TRIM9: variants seen among roughly 807,000 people sequenced by gnomAD.
The protein encoded by TRIM9 is E3 ubiquitin-protein ligase TRIM9.
A neutral mutation model predicts 78.3 loss-of-function variants in TRIM9; 26 were observed. That is an observed-to-expected ratio of 0.33 (90% CI 0.24 to 0.46). The LOEUF (loss-of-function observed/expected upper bound fraction) is 0.46. Among genes scored for constraint, TRIM9 ranks in the 20% least tolerant of loss-of-function variants. The pLI, the probability that TRIM9 is intolerant of heterozygous loss-of-function variation, is 1.00. For missense variants in TRIM9, 787 were observed against 1,036.4 expected (o/e 0.76, Z 3.30); for synonymous variants, 398 against 416.5 (o/e 0.96, Z 0.54).
intron 1 of TRIM9, among the ~76,000 whole-genome samples, chr14:51,061,114 T>A (rs2061319941): frequency 6.6e-6 from 1 of 152,168 alleles, no homozygotes; most frequent in South Asian, 2.1e-4. Flanking sequence ...TTTGTCATTT[T>A]AAAAAATTGG....
At chr14:50,986,225 A>G in intron 7 of TRIM9, 81 bp from the exon 8 acceptor site, 2 of 1,187,478 alleles carry the variant, frequency 1.7e-6, no homozygotes, top group Non-Finnish European at 2.2e-6. Flanking sequence ...ACCTGCCTTA[A>G]CAATGCATTC....
chr14:50,999,176 C>A lies in TRIM9; in HGVS notation c.1465-988G>T, dbSNP rs531874303. ...CCAATGCTGCTGGGGGAGGACCGCA[C>A]TTTTGAGTAGAGGAAAAAGTCAAGA... On this transcript the variant is annotated intron_variant, in intron 6 of 12. Transcript: ENST00000684578. Among the ~76,000 whole-genome samples, 12 of 151,854 alleles carry A rather than the reference C, an allele frequency of 7.9e-5. No individual in the cohort carries two copies. In the East Asian group the frequency reaches 2.3e-3, roughly 29 times the overall value.
intron 1 of TRIM9, among the ~76,000 whole-genome samples, chr14:51,046,970 A>T (rs983859398): frequency 6.6e-6 from 1 of 152,234 alleles, no homozygotes; most frequent in Non-Finnish European, 1.5e-5. Flanking sequence ...ATGTATGTAT[A>T]GTAAGACTGT....
At chr14:51,034,537 G>A (rs2058985482) in intron 1 of TRIM9, among the ~76,000 whole-genome samples, 1 of 152,152 alleles carries the variant, frequency 6.6e-6, no homozygotes, top group Non-Finnish European at 1.5e-5. Context: ...CCACTCAGAA[G>A]GGCATTTTGG....
intron 8 of TRIM9, 27 bp from the exon 9 acceptor site, chr14:50,983,448 C>T (rs2052258219): frequency 5.3e-6 from 8 of 1,515,716 alleles, no homozygotes; most frequent in Non-Finnish European, 7.1e-6. Context: ...CACATCAACG[C>T]TATGAAACAA....
chr14:50,997,444 G>T (rs1380382004), intron 7 of TRIM9: 8 of 985,382 alleles, frequency 8.1e-6, no homozygotes, highest in Non-Finnish European at 9.6e-6. Flanking sequence ...CTTCCTGTTT[G>T]GTGCCCACAG....
intron 12 of TRIM9, among the ~76,000 whole-genome samples, chr14:50,977,762 A>T (rs2139256429): frequency 6.6e-6 from 1 of 152,282 alleles, no homozygotes. Context: ...TAGTTATTGT[A>T]ATTAGGGCAA....
At chr14:51,077,862 G>A (rs2062945329) in intron 1 of TRIM9, among the ~76,000 whole-genome samples, 1 of 152,150 alleles carries the variant, frequency 6.6e-6, no homozygotes, top group Non-Finnish European at 1.5e-5. Context: ...TTTTCTCAGA[G>A]GCATCATGGA....
chr14:51,069,217 A>C (rs1195951011), intron 1 of TRIM9, among the ~76,000 whole-genome samples: 2 of 152,218 alleles, frequency 1.3e-5, no homozygotes, highest in African/African-American at 4.8e-5. Context: ...GAGCCCATGC[A>C]GCAGTCTCCA....
intron 5 of TRIM9, among the ~76,000 whole-genome samples, chr14:51,003,338 G>A (rs538428345): frequency 5.9e-5 from 9 of 151,922 alleles, no homozygotes; most frequent in African/African-American, 1.4e-4. Flanking sequence ...ATTAGTTAGC[G>A]CCCACCATGA....
Position 51,015,379 on chromosome 14 carries a change from A to G in TRIM9, c.1042-4885T>C, listed in dbSNP as rs149573250. 2.9e-3 allele frequency among the ~76,000 whole-genome samples: 434 copies of G among 152,126 alleles called. 1 individual carries two copies. Among genetic ancestry groups the G allele is most frequent in the African/African-American group, 9.9e-3 (412 of 41,504 alleles). Reference sequence around the variant, plus strand: ...ACCTGAGGTTAATTAGGAGAATTTCATGCTTAACCCAACCATGACCTTGAC... The same window carrying G: ...ACCTGAGGTTAATTAGGAGAATTTCGTGCTTAACCCAACCATGACCTTGAC... On this transcript the variant is annotated intron_variant, in intron 3 of 12. Coordinates refer to ENST00000684578, the MANE Select transcript of TRIM9 (RefSeq NM_001387360.1).
At chr14:50,985,148 C>T (rs946507044) in intron 8 of TRIM9, among the ~76,000 whole-genome samples, 4 of 152,204 alleles carry the variant, frequency 2.6e-5, no homozygotes, top group Non-Finnish European at 4.4e-5. Context: ...TTTTAACATT[C>T]TATTTGCTAG....
intron 1 of TRIM9, among the ~76,000 whole-genome samples, chr14:51,077,394 T>TTG (rs2062889145): frequency 1.1e-5 from 1 of 92,418 alleles, no homozygotes; most frequent in Non-Finnish European, 2.7e-5. Context: ...CTGTTTTTTT[T>TTG]TTTTTTTTTT....
intron 1 of TRIM9, among the ~76,000 whole-genome samples, chr14:51,064,893 T>C (rs2061618600): frequency 6.6e-6 from 1 of 152,068 alleles, no homozygotes; most frequent in Non-Finnish European, 1.5e-5. Flanking sequence ...TCATAAATCA[T>C]AAATATTGAA....
chr14:51,071,241 T>C (rs1195107480), intron 1 of TRIM9, among the ~76,000 whole-genome samples: 2 of 151,636 alleles, frequency 1.3e-5, no homozygotes, highest in Admixed American at 1.3e-4. Flanking sequence ...CCAGGCATGG[T>C]GGCACATGCC....
intron 11 of TRIM9, among the ~76,000 whole-genome samples, chr14:50,980,053 T>G (rs1959536): frequency 0.093 from 14,211 of 152,252 alleles, 1,629 homozygotes; most frequent in African/African-American, 0.27. Context: ...GAAGCACTTT[T>G]GTTGCACCTA....
intron 1 of TRIM9, among the ~76,000 whole-genome samples, chr14:51,076,966 A>G (rs541332848): frequency 6.6e-6 from 1 of 152,298 alleles, no homozygotes; most frequent in East Asian, 1.9e-4. Flanking sequence ...TTATTAGGAG[A>G]AGACCTCTTC....
rs4354845 is a variant in TRIM9, at chr14:51,074,334, A to G, written c.822+19784T>C. Among the ~76,000 whole-genome samples the G allele has an allele frequency of 9.1e-3, 1,391 of 152,304 alleles. 30 individuals carry two copies. The highest frequency in any genetic ancestry group is 0.087 in the East Asian group (451 of 5,182). On this transcript the variant is annotated intron_variant, in intron 1 of 12. Coordinates refer to ENST00000684578, the MANE Select transcript of TRIM9 (RefSeq NM_001387360.1). Reference sequence around the variant, plus strand: ...TAACAGTATGTAAATAATGGTATGTAAAAATCTAACAATCACTTGAAATTG... The same window carrying G: ...TAACAGTATGTAAATAATGGTATGTGAAAATCTAACAATCACTTGAAATTG...
intron 1 of TRIM9, among the ~76,000 whole-genome samples, chr14:51,032,191 G>C (rs2058788159): frequency 6.6e-6 from 1 of 152,170 alleles, no homozygotes; most frequent in Non-Finnish European, 1.5e-5. Flanking sequence ...AGTAGGAATT[G>C]GGCCAGACAG....
Sources: allele counts gnomAD v4.1 joint callset (sites outside exome capture counted in the v4.1 genomes callset), GRCh38; gene constraint gnomAD v4.1.1; transcripts MANE v1.5; gene names NCBI Gene and HGNC (gene_info 2026-07-23, HGNC 2026-07-21).